Variants in ZNF274 observed in about 807,000 individuals in gnomAD.
The protein encoded by ZNF274 is neurotrophin receptor-interacting factor homolog.
A neutral mutation model predicts 42.5 loss-of-function variants in ZNF274; 23 were observed. The ratio of observed to expected loss-of-function variants is 0.54; its 90% CI spans 0.39 to 0.77. The LOEUF is 0.77. Ranked by LOEUF, ZNF274 falls within the 30% of genes least tolerant of loss-of-function variation. ZNF274 has a pLI of 0.00. For missense variants in ZNF274, 679 were observed against 806.5 expected, an observed-to-expected ratio of 0.84 and a Z score of 1.91; for synonymous variants, 292 against 305.4, an observed-to-expected ratio of 0.96 and a Z score of 0.46.
chr19:58,200,151 G>A (rs1258773132), intron 4 of ZNF274, among the ~76,000 whole-genome samples: 1 of 152,174 alleles, frequency 6.6e-6, no homozygotes, highest in African/African-American at 2.4e-5. Context: ...ACTGTTCCAG[G>A]GCTGGATCAC....
intron 4 of ZNF274, among the ~76,000 whole-genome samples, chr19:58,188,605 CAAAA>C (rs1163562490): frequency 3.2e-3 from 158 of 48,788 alleles, no homozygotes; most frequent in African/African-American, 0.011. Flanking sequence ...GACTCCATCT[CAAAA>C]AAAAAAAAAA....
intron 4 of ZNF274, among the ~76,000 whole-genome samples, chr19:58,204,223 A>C (rs887769896): frequency 6.6e-6 from 1 of 151,816 alleles, no homozygotes; most frequent in Non-Finnish European, 1.5e-5. Flanking sequence ...TGCCCCATGT[A>C]GGCCCAGGAC....
In ZNF274 at chr19:58,207,106, G is replaced by T. The variant is rs1320332627; in HGVS notation, c.643G>T (p.Val215Leu). The part of the protein sequence containing the change: ...VLEQFLGALP[V>L]KLRTWVESQH... ...GGAGCAGTTCCTAGGTGCACTGCCTGTGAAGCTCCGGACATGGGTGGAATC... is the reference window on the plus strand; with the variant it reads ...GGAGCAGTTCCTAGGTGCACTGCCTTTGAAGCTCCGGACATGGGTGGAATC... The change falls in exon 5 of 8, where the codon GTG (valine) becomes TTG (leucine). Residue 215 changes from valine (V) to leucine (L), a missense_variant. This residue lies in a region of ZNF274 where 456 missense variants were observed against 590.1 expected (regional missense o/e 0.77). Transcript: ENST00000617501. The surrounding 1 kb of genome is among the most constrained non-coding windows in gnomAD (Gnocchi z 5.6). 8 of 1,613,892 alleles carry T rather than the reference G, an allele frequency of 5.0e-6. No homozygotes were observed. The South Asian group carries it at 7.7e-5, about 16-fold the overall frequency.
At chr19:58,209,737 C>G (rs1015302620) in intron 5 of ZNF274, 1 of 464,780 alleles carries the variant, frequency 2.2e-6, no homozygotes, top group Non-Finnish European at 3.9e-6. Flanking sequence ...TGCCCTGTGA[C>G]CCTTGGAGGG....
At chr19:58,198,977 G>A (rs912796828) in intron 4 of ZNF274, among the ~76,000 whole-genome samples, 3 of 151,838 alleles carry the variant, frequency 2.0e-5, no homozygotes, top group Non-Finnish European at 2.9e-5. Context: ...AGGAATTGGA[G>A]ACCACCCCGG....
At chr19:58,196,010 C>A (rs113538989) in intron 4 of ZNF274, among the ~76,000 whole-genome samples, 1 of 152,216 alleles carries the variant, frequency 6.6e-6, no homozygotes, top group Non-Finnish European at 1.5e-5. Flanking sequence ...AAATGGCATT[C>A]ATCCTCAGGA....
In ZNF274 at chr19:58,207,340, G is replaced by C; in HGVS notation, c.739+138G>C. ...CTCCATACAGACCAAGGACATCCATGTTGCCCACGTGTTCCTGAGTCAGAG... is the reference window on the plus strand; with the variant it reads ...CTCCATACAGACCAAGGACATCCATCTTGCCCACGTGTTCCTGAGTCAGAG... On this transcript the variant is annotated intron_variant, in intron 5 of 7. Transcript: ENST00000617501. The surrounding 1 kb of genome is among the most constrained non-coding windows in gnomAD (Gnocchi z 5.6). The C allele has an allele frequency of 7.4e-7, 1 of 1,356,130 alleles. No homozygotes were observed. The highest frequency in any genetic ancestry group is 9.8e-7 in the Non-Finnish European group (1 of 1,016,846). The allele number at this position is 1,356,130 out of a possible 1,614,324, so 84.0% of individuals were successfully genotyped here.
intron 4 of ZNF274, among the ~76,000 whole-genome samples, chr19:58,203,179 A>G (rs972512696): frequency 6.6e-6 from 1 of 152,172 alleles, no homozygotes; most frequent in Non-Finnish European, 1.5e-5. Context: ...CCCCCCAGGA[A>G]GTACAGATTC....
chr19:58,195,676 C>G (rs542138521), intron 4 of ZNF274, among the ~76,000 whole-genome samples: 1 of 152,244 alleles, frequency 6.6e-6, no homozygotes, highest in Non-Finnish European at 1.5e-5. Context: ...CTTTTTGGCA[C>G]TAGGGACCGG....
intron 2 of ZNF274, 106 bp downstream of exon 2, chr19:58,184,104 C>T: frequency 7.7e-7 from 1 of 1,296,264 alleles, no homozygotes; most frequent in East Asian, 2.5e-5. Flanking sequence ...CTCCAGAGCA[C>T]CTCGGGGAGG....
At chr19:58,198,569 G>C (rs1447678967) in intron 4 of ZNF274, among the ~76,000 whole-genome samples, 1 of 152,144 alleles carries the variant, frequency 6.6e-6, no homozygotes, top group African/African-American at 2.4e-5. Flanking sequence ...GAAAGACATG[G>C]AGACTTCTTT....
chr19:58,198,515 G>A (rs2067715073), intron 4 of ZNF274, among the ~76,000 whole-genome samples: 1 of 152,168 alleles, frequency 6.6e-6, no homozygotes, highest in South Asian at 2.1e-4. Flanking sequence ...ACATAGTCAA[G>A]TGCGAACACA....
intron 4 of ZNF274, among the ~76,000 whole-genome samples, chr19:58,188,957 T>C (rs1600134238): frequency 6.6e-6 from 1 of 151,952 alleles, no homozygotes; most frequent in East Asian, 1.9e-4. Flanking sequence ...TTTTCTTCTT[T>C]ATCAACAGCA....
At chr19:58,186,438 C>T (rs1309066902) in intron 3 of ZNF274, among the ~76,000 whole-genome samples, 1 of 145,090 alleles carries the variant, frequency 6.9e-6, no homozygotes, top group Admixed American at 7.4e-5. Context: ...GAGGCTGAGC[C>T]AGGAGAACTG....
intron 4 of ZNF274, among the ~76,000 whole-genome samples, chr19:58,187,760 C>G (rs1331209739): frequency 6.6e-6 from 1 of 151,920 alleles, no homozygotes; most frequent in Non-Finnish European, 1.5e-5. Flanking sequence ...GAATCTCACT[C>G]TGTTGCTCAG....
At position 58,206,920 on chromosome 19, in the gene ZNF274, C is replaced by G. The variant is rs1251182215; in HGVS notation, c.457C>G (p.His153Asp). Residue 153 changes from histidine to aspartate, a missense_variant, in exon 5 of 8, where the codon CAT (histidine) becomes GAT (aspartate). Coordinates refer to ENST00000617501, the MANE Select transcript of ZNF274 (RefSeq NM_133502.3). ...PSEQVQQQGK[H>D]PGDPEAARQR... is the part of the protein sequence containing the mutation. ...TGAGCAGGTCCAACAGCAGGGCAAG[C>G]ATCCAGGTGACCCTGAGGCCGCGCG... is the stretch of plus-strand genomic sequence containing the variant. The G allele has an allele frequency of 6.2e-7, 1 of 1,613,220 alleles. No homozygotes were observed. The highest frequency in any genetic ancestry group is 8.5e-7 in the Non-Finnish European group (1 of 1,179,524).
chr19:58,202,147 C>T (rs1455061967), intron 4 of ZNF274: 2 of 152,260 alleles, frequency 1.3e-5, no homozygotes, highest in African/African-American at 4.8e-5. Flanking sequence ...GGTAAGTACT[C>T]TTCTGACTTT....
At position 58,213,178 on chromosome 19, in the gene ZNF274, G is replaced by T. The variant is rs1200922755; in HGVS notation, c.*35G>T. The T allele has an allele frequency of 2.5e-6, 4 of 1,570,780 alleles. No individual in the cohort carries two copies. The highest frequency in any genetic ancestry group is 2.7e-5 in the African/African-American group (2 of 73,340). On this transcript the variant is annotated 3_prime_UTR_variant, in exon 8 of 8. Coordinates refer to ENST00000617501, the MANE Select transcript of ZNF274 (RefSeq NM_133502.3). The stretch of plus-strand genomic sequence containing the variant: ...CAGTTGAAGAAACCTTGCCTTTTCA[G>T]CTTGACCCTGCAATATAACATGCAC...
intron 6 of ZNF274, 194 bp downstream of exon 6, chr19:58,210,267 T>C: frequency 2.0e-6 from 1 of 504,948 alleles, no homozygotes; most frequent in Non-Finnish European, 3.6e-6. Flanking sequence ...CACTGTGGCA[T>C]CACTGGAGAC....
Sources: allele counts gnomAD v4.1 joint callset (sites outside exome capture counted in the v4.1 genomes callset), GRCh38; gene constraint gnomAD v4.1.1; regional missense constraint gnomAD v4.1.1; non-coding constraint Gnocchi (gnomAD v3.1); transcripts MANE v1.5; gene names NCBI Gene and HGNC (gene_info 2026-07-23, HGNC 2026-07-21).